Variants in SUGCT observed in about 807,000 individuals in gnomAD.
SUGCT encodes succinyl-CoA:glutarate-CoA transferase.
In SUGCT, 41 loss-of-function variants were observed where a neutral mutation model predicts 55.0. That is an observed-to-expected ratio of 0.74 (90% CI 0.58 to 0.97). The LOEUF is 0.97. Ranked by LOEUF, SUGCT falls within the 50% of genes least tolerant of loss-of-function variation. SUGCT has a pLI of 0.00. For synonymous variants in SUGCT, 187 were observed against 200.4 expected (o/e 0.93, Z 0.56); for missense variants, 568 against 547.8 (o/e 1.04, Z -0.37).
the SUGCT span, among the ~76,000 whole-genome samples, chr7:40,924,339 C>G: frequency 0.14 from 20,745 of 151,442 alleles, 1,593 homozygotes; most frequent in African/African-American, 0.2. Context: ...CTCCCCAGCT[C>G]AAGTGATCCC....
At chr7:40,924,265 CGTGT>C in the SUGCT span, among the ~76,000 whole-genome samples, 22 of 136,126 alleles carry the variant, frequency 1.6e-4, no homozygotes, top group Admixed American at 8.8e-4. Context: ...CTTTCAATTA[CGTGT>C]GTGTGTGTGT....
intron 9 of SUGCT, among the ~76,000 whole-genome samples, chr7:40,337,862 G>A (rs2151167399): frequency 6.6e-6 from 1 of 151,902 alleles, no homozygotes; most frequent in East Asian, 1.9e-4. Context: ...TTTACAATTT[G>A]GCATGTTTTT....
chr7:40,938,825 C>T, the SUGCT span, among the ~76,000 whole-genome samples: 1 of 152,102 alleles, frequency 6.6e-6, no homozygotes, highest in Non-Finnish European at 1.5e-5. Flanking sequence ...CCAATTCCAT[C>T]CAAGTTCCTG....
intron 12 of SUGCT, among the ~76,000 whole-genome samples, chr7:40,555,416 C>T (rs1050285384): frequency 1.3e-5 from 2 of 151,832 alleles, no homozygotes; most frequent in Admixed American, 1.3e-4. Flanking sequence ...ACTCCCTTTT[C>T]AGTCCTGGGT....
At chr7:40,545,906 C>A (rs1794963908) in intron 12 of SUGCT, among the ~76,000 whole-genome samples, 1 of 152,154 alleles carries the variant, frequency 6.6e-6, no homozygotes, top group Admixed American at 6.6e-5. Context: ...GGGCTTATTG[C>A]ATCTGTGGCC....
the SUGCT span, among the ~76,000 whole-genome samples, chr7:40,916,185 T>A: frequency 6.6e-6 from 1 of 152,144 alleles, no homozygotes; most frequent in Non-Finnish European, 1.5e-5. Flanking sequence ...TGCTATTTGT[T>A]TCTCCATCAC....
chr7:40,480,401 A>G (rs1247405746), intron 11 of SUGCT, among the ~76,000 whole-genome samples: 1 of 152,034 alleles, frequency 6.6e-6, no homozygotes, highest in Non-Finnish European at 1.5e-5. Flanking sequence ...CCATTACCAC[A>G]TTGTTTTGAT....
chr7:40,459,014 G>A, intron 10 of SUGCT, 87 bp from the exon 11 acceptor site: 3 of 772,708 alleles, frequency 3.9e-6, no homozygotes, highest in Non-Finnish European at 6.6e-6. Flanking sequence ...TCTTGAGAAG[G>A]GAGAGATAGG....
intron 13 of SUGCT, among the ~76,000 whole-genome samples, chr7:40,769,722 TC>T (rs1277468283): frequency 6.6e-6 from 1 of 152,212 alleles, no homozygotes; most frequent in Non-Finnish European, 1.5e-5. Context: ...CCTCCAGAGC[TC>T]TACAGAAACA....
chr7:40,756,244 A>G (rs1012997669), intron 13 of SUGCT, among the ~76,000 whole-genome samples: 13 of 152,334 alleles, frequency 8.5e-5, no homozygotes, highest in African/African-American at 3.1e-4. Context: ...CCTGTATGCC[A>G]ACTAGGAACT....
intron 12 of SUGCT, among the ~76,000 whole-genome samples, chr7:40,526,992 C>A (rs1022295971): frequency 1.3e-5 from 2 of 152,118 alleles, no homozygotes; most frequent in African/African-American, 4.8e-5. Context: ...CCATACTTTT[C>A]TTTCTTACTT....
intron 13 of SUGCT, among the ~76,000 whole-genome samples, chr7:40,812,148 G>A (rs1791452916): frequency 1.3e-5 from 2 of 152,072 alleles, no homozygotes; most frequent in African/African-American, 4.8e-5. Context: ...GTGTCCTGTT[G>A]GATCTGGTTT....
rs547773840 is a variant in SUGCT, at chr7:40,445,483, C to T, written c.817-3804C>T. Among the ~76,000 whole-genome samples, 45 of 152,170 alleles carry T rather than the reference C, an allele frequency of 3.0e-4. No homozygotes were observed. In the South Asian group the frequency reaches 9.3e-3, roughly 32 times the overall value. ...AATCCCTGAATAGACCAATATCAGG[C>T]TCCGAAATTGAGGCAATAATTAATA... On this transcript the variant is annotated intron_variant, in intron 9 of 13. Coordinates refer to ENST00000335693, the MANE Select transcript of SUGCT (RefSeq NM_001193313.2).
chr7:41,005,205 G>C, the SUGCT span, among the ~76,000 whole-genome samples: 1 of 152,114 alleles, frequency 6.6e-6, no homozygotes, highest in Non-Finnish European at 1.5e-5. Flanking sequence ...AGTAAAGTTT[G>C]AGTGAGGAGA....
intron 13 of SUGCT, among the ~76,000 whole-genome samples, chr7:40,765,041 T>A (rs1408751739): frequency 6.6e-6 from 1 of 152,202 alleles, no homozygotes; most frequent in Non-Finnish European, 1.5e-5. Context: ...AGTCCCTACA[T>A]TCTCAGAATG....
At chr7:40,614,316 A>G (rs1348879878) in intron 12 of SUGCT, among the ~76,000 whole-genome samples, 2 of 152,320 alleles carry the variant, frequency 1.3e-5, no homozygotes, top group Middle Eastern at 3.4e-3. Flanking sequence ...TGCTAAAGAC[A>G]TGTACTGCTT....
In SUGCT at chr7:40,757,132, G is replaced by T. The variant is rs758126327; in HGVS notation, c.1153+7635G>T. Among the ~76,000 whole-genome samples the T allele has an allele frequency of 3.3e-5, 5 of 152,128 alleles. No individual in the cohort carries two copies. The East Asian group carries it at 9.6e-4, about 29-fold the overall frequency. On this transcript the variant is annotated intron_variant, in intron 13 of 13. Coordinates refer to ENST00000335693, the MANE Select transcript of SUGCT (RefSeq NM_001193313.2). ...CTCTGGAAGTCCCTATAACAATAAG[G>T]TGGGGTAGTAGACATTGTTACTGTT...
At chr7:40,522,288 C>CTT (rs1434334027) in intron 12 of SUGCT, among the ~76,000 whole-genome samples, 4 of 152,106 alleles carry the variant, frequency 2.6e-5, no homozygotes, top group African/African-American at 9.7e-5. Context: ...GAAACCAACT[C>CTT]TAACTGGGCA....
Position 40,449,333 on chromosome 7 carries a change from AC to A in SUGCT, c.865del (p.Gln289SerfsTer15). On this transcript the variant is annotated frameshift_variant, in exon 10 of 14. Coordinates refer to ENST00000335693, the MANE Select transcript of SUGCT (RefSeq NM_001193313.2). LOFTEE classifies it high-confidence loss of function. The part of the protein sequence containing the change: ...DGYIVVGAGN[N>X]QQFATVCKIL... ...TATATTGTAGTTGGAGCAGGAAATA[AC>A]CAGCAGTTTGCCACCGTCTGCAAGG... 1.2e-6 allele frequency: 2 copies of A among 1,612,794 alleles called. No individual in the cohort carries two copies. The highest frequency in any genetic ancestry group is 1.7e-6 in the Non-Finnish European group (2 of 1,179,114).
Sources: gnomAD v4.1 joint callset for allele counts (sites outside exome capture counted in the v4.1 genomes callset) on GRCh38, gnomAD v4.1.1 for gene constraint, MANE v1.5 for transcripts, NCBI Gene and HGNC (gene_info 2026-07-23, HGNC 2026-07-21) for gene names.